TNNI3K: variants seen among roughly 807,000 people sequenced by gnomAD.
TNNI3K encodes the protein serine/threonine-protein kinase TNNI3K.
In TNNI3K, 140 loss-of-function variants were observed where a neutral mutation model predicts 114.5. That is an observed-to-expected ratio of 1.22 (90% CI 1.07 to 1.41). The LOEUF (loss-of-function observed/expected upper bound fraction) is 1.41. TNNI3K is among the 40% of genes most tolerant of loss of function. The pLI, the probability that TNNI3K is intolerant of heterozygous loss-of-function variation, is 0.00. For synonymous variants in TNNI3K, 347 were observed against 347.5 expected, an observed-to-expected ratio of 1.00 and a Z score of 0.02; for missense variants, 1,125 against 1,007.6, an observed-to-expected ratio of 1.12 and a Z score of -1.58.
At chr1:74,240,552 G>A (rs1057254675) in intron 2 of TNNI3K, 3 of 152,106 alleles carry the variant, frequency 2.0e-5, no homozygotes, top group Non-Finnish European at 4.4e-5. Context: ...TCTTGGTTAT[G>A]AATATTATAC....
intron 5 of TNNI3K, among the ~76,000 whole-genome samples, chr1:74,277,010 T>C (rs1369239543): frequency 6.6e-6 from 1 of 152,178 alleles, no homozygotes; most frequent in East Asian, 1.9e-4. Context: ...CATATGCTTC[T>C]TTGTACAAGG....
At chr1:74,533,230 C>A (rs1403647096) in intron 23 of TNNI3K, among the ~76,000 whole-genome samples, 2 of 152,122 alleles carry the variant, frequency 1.3e-5, no homozygotes, top group Non-Finnish European at 2.9e-5. Context: ...AAACAAACAT[C>A]CCCATCAAAA....
At chr1:74,388,439 T>A (rs1663601234) in intron 17 of TNNI3K, among the ~76,000 whole-genome samples, 2 of 152,150 alleles carry the variant, frequency 1.3e-5, no homozygotes, top group Non-Finnish European at 2.9e-5. Flanking sequence ...CAGTGACAAT[T>A]CAAAGAAAGT....
chr1:74,487,677 A>C (rs2100286647), intron 21 of TNNI3K, among the ~76,000 whole-genome samples: 1 of 152,324 alleles, frequency 6.6e-6, no homozygotes, highest in Admixed American at 6.5e-5. Context: ...GAAGTGAGCA[A>C]AAAAACAAGT....
intron 11 of TNNI3K, among the ~76,000 whole-genome samples, chr1:74,361,795 C>G (rs914538391): frequency 1.9e-4 from 29 of 151,266 alleles, no homozygotes; most frequent in Admixed American, 8.6e-4. Flanking sequence ...CATAGGTGCA[C>G]AATGAATATT....
intron 23 of TNNI3K, among the ~76,000 whole-genome samples, chr1:74,500,527 C>G (rs958507895): frequency 1.4e-5 from 2 of 138,992 alleles, no homozygotes; most frequent in Non-Finnish European, 3.1e-5. Flanking sequence ...TGGCGTGAAC[C>G]CGGGAGGCGG....
At chr1:74,520,867 A>G (rs1208883641) in intron 23 of TNNI3K, among the ~76,000 whole-genome samples, 1 of 152,038 alleles carries the variant, frequency 6.6e-6, no homozygotes, top group Non-Finnish European at 1.5e-5. Context: ...GTACATATGG[A>G]GCTGGCTCAT....
At chr1:74,264,831 G>T (rs571008091) in intron 4 of TNNI3K, among the ~76,000 whole-genome samples, 1 of 152,016 alleles carries the variant, frequency 6.6e-6, no homozygotes, top group African/African-American at 2.4e-5. Flanking sequence ...AATCTTGGGG[G>T]TGATACATTT....
intron 5 of TNNI3K, among the ~76,000 whole-genome samples, chr1:74,286,065 G>A (rs534534102): frequency 6.6e-6 from 1 of 152,198 alleles, no homozygotes; most frequent in African/African-American, 2.4e-5. Flanking sequence ...TCTGAATGGA[G>A]CAGAGAAATC....
chr1:74,354,816 A>G (rs751347441), intron 11 of TNNI3K, among the ~76,000 whole-genome samples: 10 of 152,224 alleles, frequency 6.6e-5, no homozygotes, highest in Non-Finnish European at 1.0e-4. Flanking sequence ...ATTGCTTAGA[A>G]CAGTGGCTGA....
chr1:74,350,868 G>C (rs879284378), intron 9 of TNNI3K, among the ~76,000 whole-genome samples: 3 of 151,896 alleles, frequency 2.0e-5, no homozygotes, highest in African/African-American at 7.3e-5. Flanking sequence ...GTCTCTGCAC[G>C]TGAGATGGGT....
intron 23 of TNNI3K, among the ~76,000 whole-genome samples, chr1:74,511,140 C>T (rs548066499): frequency 8.6e-5 from 13 of 151,614 alleles, no homozygotes; most frequent in South Asian, 4.2e-4. Context: ...GTGATCCATC[C>T]GCCTTGGCCT....
At chr1:74,401,950 C>T (rs1436226423) in intron 17 of TNNI3K, 5 of 423,314 alleles carry the variant, frequency 1.2e-5, no homozygotes, top group African/African-American at 2.0e-5. Flanking sequence ...CTTCTGCCAT[C>T]CTAAAAGGTA....
intron 5 of TNNI3K, among the ~76,000 whole-genome samples, chr1:74,317,388 C>T (rs942535883): frequency 5.9e-5 from 9 of 152,178 alleles, no homozygotes; most frequent in African/African-American, 2.2e-4. Context: ...TATTAACTCT[C>T]AATCTTTATA....
chr1:74,250,608 A>C (rs1399013483), intron 3 of TNNI3K, 64 bp from the exon 4 acceptor site: 1 of 1,490,222 alleles, frequency 6.7e-7, no homozygotes, highest in Non-Finnish European at 9.1e-7. Context: ...CATTAGGTCA[A>C]AAAGAGTCTC....
intron 5 of TNNI3K, among the ~76,000 whole-genome samples, chr1:74,305,803 TTTTAA>T (rs755567191): frequency 1.3e-5 from 2 of 152,232 alleles, no homozygotes; most frequent in African/African-American, 4.8e-5. Context: ...CAATATTTTG[TTTTAA>T]TTTAATATAT....
At chr1:74,337,485 G>A (rs1445462936) in intron 7 of TNNI3K, among the ~76,000 whole-genome samples, 1 of 151,990 alleles carries the variant, frequency 6.6e-6, no homozygotes, top group Non-Finnish European at 1.5e-5. Flanking sequence ...TGGTTATTAG[G>A]AGCTCCAGTG....
intron 5 of TNNI3K, among the ~76,000 whole-genome samples, chr1:74,294,404 A>G (rs1657856344): frequency 6.6e-6 from 1 of 152,020 alleles, no homozygotes; most frequent in African/African-American, 2.4e-5. Context: ...TATTTTCAGA[A>G]GATATGGATA....
intron 23 of TNNI3K, among the ~76,000 whole-genome samples, chr1:74,514,953 CAA>C (rs376028747): frequency 7.9e-5 from 12 of 151,876 alleles, no homozygotes; most frequent in African/African-American, 2.9e-4. Flanking sequence ...AAGAAGAGCA[CAA>C]AGACACGCAG....
Sources: gnomAD v4.1 joint callset for allele counts (sites outside exome capture counted in the v4.1 genomes callset) on GRCh38, gnomAD v4.1.1 for gene constraint, MANE v1.5 for transcripts, NCBI Gene and HGNC (gene_info 2026-07-23, HGNC 2026-07-21) for gene names.